Variants in KDR observed in about 807,000 individuals in gnomAD.
The protein encoded by KDR is kinase insert domain receptor.
A neutral mutation model predicts 160.9 loss-of-function variants in KDR; 43 were observed. The ratio of observed to expected loss-of-function variants is 0.27; its 90% CI spans 0.21 to 0.34. The LOEUF is 0.34. KDR is among the 10% of genes least tolerant of loss of function. The probability of loss-of-function intolerance (pLI) is 1.00; values close to 1 mark genes in which losing one functional copy is unlikely to be tolerated. For missense variants in KDR, 1,469 were observed against 1,666.4 expected, an observed-to-expected ratio of 0.88 and a Z score of 2.06; for synonymous variants, 617 against 600.1, an observed-to-expected ratio of 1.03 and a Z score of -0.41.
chr4:55,092,684 G>T lies in KDR; in HGVS notation c.3002C>A (p.Thr1001Asn). The T allele has an allele frequency of 6.2e-7, 1 of 1,613,856 alleles. No homozygotes were observed. Among genetic ancestry groups the T allele is most frequent in the Non-Finnish European group, 8.5e-7 (1 of 1,179,786 alleles). The change falls in exon 22 of 30, where the codon ACC becomes AAC. Residue 1001 changes from threonine to asparagine, a missense_variant. Thr to Asn is a moderately conservative substitution (Grantham distance 65). This residue lies in a region of KDR where 151 missense variants were observed against 207.2 expected (regional missense o/e 0.73). Coordinates refer to ENST00000263923, the MANE Select transcript of KDR (RefSeq NM_002253.4). The stretch of plus-strand genomic sequence containing the variant: ...GCTGTAACAGATGAGATGCTCCAAG[G>T]TCAGGAAGTCCTTATACAGATCTTC... ...APEDLYKDFL[T>N]LEHLICYSFQ...
chr4:55,083,641 T>C (rs746941637), intron 27 of KDR, among the ~76,000 whole-genome samples: 1 of 150,972 alleles, frequency 6.6e-6, no homozygotes. Context: ...GGAAGTCCTA[T>C]TCACTGGAAG....
At chr4:55,116,365 T>C (rs1289599482) in intron 3 of KDR, among the ~76,000 whole-genome samples, 1 of 145,080 alleles carries the variant, frequency 6.9e-6, no homozygotes, top group Non-Finnish European at 1.5e-5. Flanking sequence ...TGCAGTGAGC[T>C]GAGATAGCAC....
chr4:55,091,794 T>C (rs886354512), intron 22 of KDR, among the ~76,000 whole-genome samples: 3 of 152,226 alleles, frequency 2.0e-5, no homozygotes, highest in African/African-American at 7.2e-5. Flanking sequence ...TGAAGTATTG[T>C]TACCTAATAT....
intron 22 of KDR, among the ~76,000 whole-genome samples, chr4:55,090,737 C>T (rs765503442): frequency 2.6e-5 from 4 of 152,100 alleles, no homozygotes; most frequent in Non-Finnish European, 4.4e-5. Flanking sequence ...TCTCTGTATC[C>T]TCCAAACTTC....
chr4:55,090,225 GGAA>G, intron 22 of KDR, 147 bp from the exon 23 acceptor site: 1 of 870,052 alleles, frequency 1.1e-6, no homozygotes, highest in Non-Finnish European at 1.8e-6. Context: ...CAACACTTCA[GGAA>G]AAAAGTCTGT....
intron 13 of KDR, among the ~76,000 whole-genome samples, chr4:55,103,916 G>T (rs75146960): frequency 0.02 from 2,973 of 152,276 alleles, 66 homozygotes; most frequent in Non-Finnish European, 0.025. Context: ...TGGCTGCCCA[G>T]CTTTTGCACA....
At chr4:55,123,931 C>T (rs1374240871) in intron 1 of KDR, among the ~76,000 whole-genome samples, 3 of 152,228 alleles carry the variant, frequency 2.0e-5, no homozygotes, top group Non-Finnish European at 4.4e-5. Context: ...GCCGTTACTA[C>T]TACGCTAGGA....
intron 5 of KDR, 40 bp downstream of exon 5, chr4:55,114,834 G>A (rs769188055): frequency 1.3e-6 from 2 of 1,490,650 alleles, no homozygotes; most frequent in African/African-American, 1.4e-5. Flanking sequence ...TTAATACAAG[G>A]ATATGTTATT....
Position 55,090,040 on chromosome 4 carries a change from T to C in KDR, c.3108A>G (p.Leu1036=), listed in dbSNP as rs760164570. The change falls in exon 23 of 30, where the codon TTA becomes TTG. Residue 1036 remains leucine (L), a synonymous_variant. Transcript: ENST00000263923. The part of the protein sequence containing the change: ...HRDLAARNIL[L]SEKNVVKICD... ...AGATTTTAACCACGTTCTTCTCCGA[T>C]AAGAGGATATTTCGTGCCGCCAGGT... The C allele has an allele frequency of 1.9e-6, 3 of 1,614,104 alleles. No homozygotes were observed. The South Asian group carries it at 3.3e-5, about 18-fold the overall frequency.
chr4:55,111,463 G>A (rs763284270), intron 7 of KDR, among the ~76,000 whole-genome samples: 12 of 151,934 alleles, frequency 7.9e-5, no homozygotes, highest in Admixed American at 3.9e-4. Context: ...ATTGATCAGC[G>A]GACCCTGTTG....
intron 28 of KDR, 91 bp from the exon 29 acceptor site, chr4:55,082,132 G>C: frequency 1.1e-6 from 1 of 939,600 alleles, no homozygotes; most frequent in Non-Finnish European, 1.8e-6. Flanking sequence ...CATCTATCAT[G>C]TCTATCAAAT....
intron 20 of KDR, among the ~76,000 whole-genome samples, chr4:55,095,180 A>G (rs1720119915): frequency 6.6e-6 from 1 of 152,208 alleles, no homozygotes; most frequent in South Asian, 2.1e-4. Flanking sequence ...TTTAGCTTAA[A>G]GTGACAAATG....
intron 27 of KDR, among the ~76,000 whole-genome samples, chr4:55,086,727 C>A (rs1023989928): frequency 6.6e-6 from 1 of 152,200 alleles, no homozygotes; most frequent in Non-Finnish European, 1.5e-5. Flanking sequence ...AAACTGTCCA[C>A]GAGTTTCTCC....
At chr4:55,088,520 T>C (rs1719924093) in intron 26 of KDR, among the ~76,000 whole-genome samples, 1 of 152,240 alleles carries the variant, frequency 6.6e-6, no homozygotes, top group Admixed American at 6.5e-5. Flanking sequence ...TATTTTTGCC[T>C]GCAGAATTTA....
At chr4:55,082,460 C>T (rs1029908959) in intron 28 of KDR, 76 bp downstream of exon 28, 17 of 1,159,650 alleles carry the variant, frequency 1.5e-5, no homozygotes, top group Admixed American at 3.4e-5. Flanking sequence ...AACTTTAATG[C>T]TTAGGCTAAT....
At chr4:55,122,155 A>G (rs1399962253) in intron 1 of KDR, among the ~76,000 whole-genome samples, 1 of 152,166 alleles carries the variant, frequency 6.6e-6, no homozygotes, top group Non-Finnish European at 1.5e-5. Flanking sequence ...GTCTTTACCT[A>G]TAAGGGATAA....
At chr4:55,123,793 G>A (rs551345673) in intron 1 of KDR, among the ~76,000 whole-genome samples, 1 of 152,150 alleles carries the variant, frequency 6.6e-6, no homozygotes, top group African/African-American at 2.4e-5. Flanking sequence ...CCAGCTCAAA[G>A]ACGGGAAGGA....
At chr4:55,090,248 T>C (rs904893256) in intron 22 of KDR, among the ~76,000 whole-genome samples, 170 bp from the exon 23 acceptor site, 1 of 152,198 alleles carries the variant, frequency 6.6e-6, no homozygotes, top group Non-Finnish European at 1.5e-5. Context: ...TGAGCTTTGC[T>C]GAGACACACA....
At chr4:55,104,472 C>A (rs886195348) in intron 13 of KDR, 171 bp downstream of exon 13, 65 of 663,348 alleles carry the variant, frequency 9.8e-5, no homozygotes, top group Non-Finnish European at 1.6e-4. Flanking sequence ...TTCGATATAT[C>A]ATTTCATTAT....
Sources: gnomAD v4.1 joint callset for allele counts (sites outside exome capture counted in the v4.1 genomes callset) on GRCh38, gnomAD v4.1.1 for gene constraint, gnomAD v4.1.1 regional missense constraint, MANE v1.5 for transcripts, NCBI Gene and HGNC (gene_info 2026-07-23, HGNC 2026-07-21) for gene names.